The following TMEM163 variants were observed in gnomAD, a reference collection of about 807,000 sequenced individuals.
TMEM163 encodes the protein transmembrane protein 163.
Under a neutral mutation model 29.3 loss-of-function variants are expected in TMEM163, and 17 were observed. The ratio of observed to expected loss-of-function variants is 0.58; its 90% CI spans 0.40 to 0.87. TMEM163 has a LOEUF of 0.87. TMEM163 is among the 40% of genes least tolerant of loss of function. The pLI is 0.00. For synonymous variants in TMEM163, 157 were observed against 160.6 expected (o/e 0.98, Z 0.17); for missense variants, 303 against 381.5 (o/e 0.79, Z 1.71).
At chr2:134,483,212 G>A (rs1457269999) in intron 5 of TMEM163, among the ~76,000 whole-genome samples, 1 of 152,162 alleles carries the variant, frequency 6.6e-6, no homozygotes, top group Non-Finnish European at 1.5e-5. Flanking sequence ...CAGAGTCTCG[G>A]GGACAAGCCC....
chr2:134,697,124 A>G (rs1684599606), intron 2 of TMEM163, among the ~76,000 whole-genome samples: 1 of 152,094 alleles, frequency 6.6e-6, no homozygotes, highest in African/African-American at 2.4e-5. Context: ...TATTGACTAT[A>G]ATATCTATAA....
intron 2 of TMEM163, among the ~76,000 whole-genome samples, chr2:134,580,125 C>T (rs1681658221): frequency 6.6e-6 from 1 of 152,134 alleles, no homozygotes; most frequent in Non-Finnish European, 1.5e-5. Context: ...TGTCCAATTA[C>T]GTGGTAATAA....
rs756583040 is a variant in TMEM163 at position 134,718,749 on chromosome 2, C to G, written c.187G>C (p.Gly63Arg). 2.4e-5 allele frequency: 28 copies of G among 1,152,924 alleles called. No individual in the cohort carries two copies. In the African/African-American group the frequency reaches 3.1e-4, roughly 13 times the overall value. 71.4% of individuals were successfully genotyped at this position (1,152,924 alleles called of 1,614,324 possible). ...TCGCGCTCACCTCGGTCCTCCAGCCCGTCGCTGAACTGGCCGCTCTCGCTG... is the reference window on the plus strand; with the variant it reads ...TCGCGCTCACCTCGGTCCTCCAGCCGGTCGCTGAACTGGCCGCTCTCGCTG... ...RISESGQFSD[G>R]LEDRGLLESS... is the part of the protein sequence containing the mutation. The change falls in exon 1 of 8, where the codon GGG (glycine) becomes CGG (arginine). Residue 63 changes from glycine (G) to arginine (R), a missense_variant. Transcript: ENST00000281924.
intron 2 of TMEM163, among the ~76,000 whole-genome samples, chr2:134,573,597 G>A (rs181391681): frequency 6.6e-6 from 1 of 152,282 alleles, no homozygotes; most frequent in East Asian, 1.9e-4. Context: ...CTCCCTTCTA[G>A]GCAGATACAG....
At position 134,643,672 on chromosome 2, in the gene TMEM163, A is replaced by G. The variant is rs189877266; in HGVS notation, c.322+69528T>C. Among the ~76,000 whole-genome samples, 35 of 152,162 alleles carry G rather than the reference A, an allele frequency of 2.3e-4. No individual in the cohort carries two copies. In the East Asian group the frequency reaches 6.7e-3, roughly 29 times the overall value. On this transcript the variant is annotated intron_variant, in intron 2 of 7. Coordinates refer to ENST00000281924, the MANE Select transcript of TMEM163 (RefSeq NM_030923.5). ...TCAGTATTCATTCATGTTAAAAAAA[A>G]AACAACTCTTAGGAAACTACAAATA...
intron 4 of TMEM163, among the ~76,000 whole-genome samples, chr2:134,515,727 T>C (rs920606862): frequency 6.6e-6 from 1 of 152,196 alleles, no homozygotes; most frequent in Non-Finnish European, 1.5e-5. Context: ...AAAATATACA[T>C]ATGCAGATTA....
chr2:134,631,250 C>T (rs1463607534), intron 2 of TMEM163, among the ~76,000 whole-genome samples: 1 of 152,194 alleles, frequency 6.6e-6, no homozygotes, highest in African/African-American at 2.4e-5. Flanking sequence ...TAGATAAGCA[C>T]AGCTTGTTAA....
rs575015118 is a variant in TMEM163 at position 134,525,020 on chromosome 2, C to T, written c.459-22023G>A. Among the ~76,000 whole-genome samples, 5 of 152,212 alleles carry T rather than the reference C, an allele frequency of 3.3e-5. 1 individual carries two copies. Among genetic ancestry groups the T allele is most frequent in the Admixed American group, 6.5e-5 (1 of 15,294 alleles). Reference sequence around the variant, plus strand: ...TAGCGTTCCTATTTCTCCACAGCCTCGCCAACATCTGTTGTTTCTTGACTT... The same window carrying T: ...TAGCGTTCCTATTTCTCCACAGCCTTGCCAACATCTGTTGTTTCTTGACTT... On this transcript the variant is annotated intron_variant, in intron 4 of 7. Coordinates refer to ENST00000281924, the MANE Select transcript of TMEM163 (RefSeq NM_030923.5).
At position 134,458,096 on chromosome 2, in the gene TMEM163, C is replaced by T; in HGVS notation, c.745G>A (p.Val249Ile). ...CCTATGCTGCCGTCCAGGTACCAGA[C>T]CGCCGAGTCATGCTTGAACACTTCC... ...SAEVFKHDSA[V>I]WYLDGSIGVL... The change falls in exon 7 of 8, where the codon GTC (valine) becomes ATC (isoleucine). Residue 249 changes from valine to isoleucine, a missense_variant. Around this residue, in one of 2 missense-constraint regions of TMEM163, gnomAD observed 203 missense variants for 294.3 expected, o/e 0.69. Coordinates refer to ENST00000281924, the MANE Select transcript of TMEM163 (RefSeq NM_030923.5). The T allele has an allele frequency of 6.2e-7, 1 of 1,614,192 alleles. No homozygotes were observed. The highest frequency in any genetic ancestry group is 8.5e-7 in the Non-Finnish European group (1 of 1,180,036).
At chr2:134,677,329 C>A (rs1424869223) in intron 2 of TMEM163, among the ~76,000 whole-genome samples, 4 of 152,158 alleles carry the variant, frequency 2.6e-5, no homozygotes, top group Admixed American at 2.0e-4. Flanking sequence ...CCCTCAGAAC[C>A]AAATCCCACT....
chr2:134,595,511 A>G (rs914557183), intron 2 of TMEM163, among the ~76,000 whole-genome samples: 22 of 152,094 alleles, frequency 1.4e-4, no homozygotes, highest in African/African-American at 5.1e-4. Context: ...AATCCAGTCT[A>G]TCATTTTTGG....
intron 2 of TMEM163, among the ~76,000 whole-genome samples, chr2:134,656,502 C>T (rs1051740670): frequency 2.0e-5 from 3 of 152,154 alleles, no homozygotes; most frequent in Admixed American, 6.5e-5. Flanking sequence ...AGAAATCACC[C>T]GTCTTCTGCG....
In TMEM163 at chr2:134,479,452, A is replaced by T. The variant is rs1312865293; in HGVS notation, c.556-13227T>A. Among the ~76,000 whole-genome samples, 3 of 152,114 alleles carry T rather than the reference A, an allele frequency of 2.0e-5. No homozygotes were observed. In the East Asian group the frequency reaches 5.8e-4, roughly 29 times the overall value. On this transcript the variant is annotated intron_variant, in intron 5 of 7. Transcript: ENST00000281924. ...AAATGTTTATACAGGGATTCCAAGA[A>T]CCTGACGGACCCCTGGGGTATAAAA... is the stretch of plus-strand genomic sequence containing the variant.
At chr2:134,494,086 A>T (rs1196810174) in intron 5 of TMEM163, among the ~76,000 whole-genome samples, 9 of 152,138 alleles carry the variant, frequency 5.9e-5, no homozygotes, top group African/African-American at 1.9e-4. Flanking sequence ...AGGGAGGGAG[A>T]GTGCCAACCC....
At chr2:134,675,153 A>G (rs1307077056) in intron 2 of TMEM163, among the ~76,000 whole-genome samples, 2 of 152,242 alleles carry the variant, frequency 1.3e-5, no homozygotes, top group Admixed American at 6.5e-5. Flanking sequence ...GAAAAGAAAC[A>G]CATGAATGTT....
At chr2:134,508,321 G>T (rs927802056) in intron 4 of TMEM163, among the ~76,000 whole-genome samples, 2 of 152,200 alleles carry the variant, frequency 1.3e-5, no homozygotes, top group Admixed American at 6.5e-5. Flanking sequence ...ACGTGTAATT[G>T]TTTTATGTAT....
chr2:134,701,916 CAAAAA>C (rs71301801), intron 2 of TMEM163, among the ~76,000 whole-genome samples: 1,294 of 66,548 alleles, frequency 0.019, 32 homozygotes, highest in African/African-American at 0.058. Context: ...AAAACTGTCT[CAAAAA>C]AAAAAAAAAA....
intron 1 of TMEM163, among the ~76,000 whole-genome samples, chr2:134,716,699 TAA>T (rs1304615809): frequency 6.6e-6 from 1 of 151,918 alleles, no homozygotes; most frequent in Non-Finnish European, 1.5e-5. Flanking sequence ...CCAAAGGATA[TAA>T]AAATCAATAT....
chr2:134,534,447 A>G (rs1160938639), intron 4 of TMEM163, among the ~76,000 whole-genome samples: 2 of 152,174 alleles, frequency 1.3e-5, no homozygotes, highest in African/African-American at 4.8e-5. Context: ...AAGTTCCTCA[A>G]GATTGATTTA....
Sources: allele counts gnomAD v4.1 joint callset (sites outside exome capture counted in the v4.1 genomes callset), GRCh38; gene constraint gnomAD v4.1.1; regional missense constraint gnomAD v4.1.1; transcripts MANE v1.5; gene names NCBI Gene and HGNC (gene_info 2026-07-23, HGNC 2026-07-21).